The following SNX9 variants were observed in gnomAD, a reference collection of about 807,000 sequenced individuals.
SNX9 encodes sorting nexin-9.
A neutral mutation model predicts 89.4 loss-of-function variants in SNX9; 44 were observed. The ratio of observed to expected loss-of-function variants is 0.49; its 90% confidence interval spans 0.39 to 0.63. The LOEUF (loss-of-function observed/expected upper bound fraction) is 0.63. SNX9 is among the 30% of genes least tolerant of loss of function. SNX9 has a pLI of 0.00. For missense variants in SNX9, 578 were observed against 736.1 expected (o/e 0.79, Z 2.49); for synonymous variants, 236 against 247.8 (o/e 0.95, Z 0.45).
chr6:157,918,793 C>CT (rs1783524486), intron 9 of SNX9, among the ~76,000 whole-genome samples: 1 of 151,908 alleles, frequency 6.6e-6, no homozygotes, highest in African/African-American at 2.4e-5. Flanking sequence ...TAATATGCAT[C>CT]TTTTTTAACA....
intron 1 of SNX9, among the ~76,000 whole-genome samples, chr6:157,843,419 A>G (rs565117601): frequency 1.3e-5 from 2 of 152,242 alleles, no homozygotes; most frequent in East Asian, 1.9e-4. Flanking sequence ...GTATTCTTAC[A>G]GTAAATTAAG....
chr6:157,913,469 C>A (rs1157923221), intron 9 of SNX9, among the ~76,000 whole-genome samples: 1 of 152,002 alleles, frequency 6.6e-6, no homozygotes. Context: ...CTGGCTTATA[C>A]TCATAATTTC....
chr6:157,886,048 G>A (rs1041219588), intron 4 of SNX9, among the ~76,000 whole-genome samples: 2 of 152,136 alleles, frequency 1.3e-5, no homozygotes, highest in Admixed American at 6.5e-5. Context: ...GACAGACGTC[G>A]TGGTGCCATT....
intron 10 of SNX9, among the ~76,000 whole-genome samples, chr6:157,922,529 G>C (rs998155349): frequency 6.6e-6 from 1 of 152,192 alleles, no homozygotes; most frequent in African/African-American, 2.4e-5. Context: ...AAACTTCTTT[G>C]TAGTAATTTT....
chr6:157,922,640 A>G (rs1376386820), intron 10 of SNX9, among the ~76,000 whole-genome samples: 3 of 152,116 alleles, frequency 2.0e-5, no homozygotes, highest in African/African-American at 2.4e-5. Flanking sequence ...TTTGGGCCTT[A>G]TTTTCAGTTA....
In SNX9 at chr6:157,929,521, C is replaced by T. The variant is rs938260148; in HGVS notation, c.1288+819C>T. On this transcript the variant is annotated intron_variant, in intron 12 of 17. Coordinates refer to ENST00000392185, the MANE Select transcript of SNX9 (RefSeq NM_016224.5). Reference sequence around the variant, plus strand: ...TGCCCTTATTGCTGTGTCTTAACCTCTAGAGAACAGGGCCTTCTAATCTAT... The same window carrying T: ...TGCCCTTATTGCTGTGTCTTAACCTTTAGAGAACAGGGCCTTCTAATCTAT... Among the ~76,000 whole-genome samples the T allele has an allele frequency of 4.6e-5, 7 of 152,322 alleles. No individual in the cohort carries two copies. The South Asian group carries it at 6.2e-4, about 14-fold the overall frequency.
chr6:157,940,478 T>A (rs192721009), intron 16 of SNX9, among the ~76,000 whole-genome samples: 20 of 152,328 alleles, frequency 1.3e-4, no homozygotes, highest in Non-Finnish European at 2.8e-4. Context: ...AGTACAGTGG[T>A]GCAATCCCGG....
At chr6:157,867,460 T>C (rs1471961771) in intron 1 of SNX9, 87 bp from the exon 2 acceptor site, 1 of 1,043,992 alleles carries the variant, frequency 9.6e-7, no homozygotes, top group Non-Finnish European at 1.4e-6. Flanking sequence ...TGTACCAGCA[T>C]GCTTAGAAAG....
chr6:157,863,034 A>G (rs901284795), intron 1 of SNX9, among the ~76,000 whole-genome samples: 5 of 152,182 alleles, frequency 3.3e-5, no homozygotes, highest in African/African-American at 9.7e-5. Context: ...TCTGTGCTAC[A>G]TTGACTTCGT....
chr6:157,864,652 G>A (rs1232142420), intron 1 of SNX9, among the ~76,000 whole-genome samples: 4 of 152,118 alleles, frequency 2.6e-5, no homozygotes, highest in Non-Finnish European at 5.9e-5. Context: ...CTGAGGGCTC[G>A]CTTCCTTCCA....
intron 5 of SNX9, among the ~76,000 whole-genome samples, chr6:157,899,938 T>G (rs1283681000): frequency 6.6e-6 from 1 of 151,770 alleles, no homozygotes; most frequent in Non-Finnish European, 1.5e-5. Flanking sequence ...TGCCTGTGGG[T>G]GTGTGTGTGG....
intron 1 of SNX9, among the ~76,000 whole-genome samples, chr6:157,838,280 T>A (rs2115110967): frequency 6.6e-6 from 1 of 152,236 alleles, no homozygotes; most frequent in South Asian, 2.1e-4. Context: ...CCCAAAGTGC[T>A]AGGGTTACAG....
At chr6:157,937,302 G>T (rs1783945618) in intron 14 of SNX9, 132 bp from the exon 15 acceptor site, 1 of 516,602 alleles carries the variant, frequency 1.9e-6, no homozygotes, top group African/African-American at 2.0e-5. Context: ...TAGAAAAAGT[G>T]ATCTGAATGC....
At position 157,823,465 on chromosome 6, in the gene SNX9, A is replaced by G; in HGVS notation, c.12+19A>G. 2 of 1,189,054 alleles carry G rather than the reference A, an allele frequency of 1.7e-6. No homozygotes were observed. The highest frequency in any genetic ancestry group is 2.1e-6 in the Non-Finnish European group (2 of 963,984). The allele number at this position is 1,189,054 out of a possible 1,614,324, so 73.7% of individuals were successfully genotyped here. ...CACCAAGGTGAGGGGCGCGCGGCGC[A>G]GGCCGGGCCGGTCGCTCAGGCCCGG... On this transcript the variant is annotated intron_variant, in intron 1 of 17. Transcript: ENST00000392185. The surrounding 1 kb of genome is among the most constrained non-coding windows in gnomAD (Gnocchi z 4.6).
chr6:157,906,031 A>G, intron 6 of SNX9, 97 bp from the exon 7 acceptor site: 1 of 981,426 alleles, frequency 1.0e-6, no homozygotes, highest in South Asian at 1.5e-5. Context: ...CCCGAAAGAC[A>G]GGACAAGGTT....
intron 9 of SNX9, among the ~76,000 whole-genome samples, chr6:157,912,628 T>C (rs3805783): frequency 0.23 from 35,192 of 152,066 alleles, 4,236 homozygotes; most frequent in African/African-American, 0.28. Context: ...TATGTAAGAA[T>C]TCCCCTCTCG....
intron 1 of SNX9, among the ~76,000 whole-genome samples, chr6:157,860,379 T>C (rs1183868060): frequency 2.0e-5 from 3 of 152,192 alleles, no homozygotes; most frequent in Non-Finnish European, 2.9e-5. Context: ...GCCCTCCAGC[T>C]TGGGTGACAG....
intron 9 of SNX9, among the ~76,000 whole-genome samples, chr6:157,916,648 G>T (rs527585039): frequency 2.6e-5 from 4 of 152,124 alleles, no homozygotes; most frequent in African/African-American, 9.7e-5. Context: ...ATAGATGCTG[G>T]ATTTTGTCCC....
intron 7 of SNX9, among the ~76,000 whole-genome samples, chr6:157,907,755 C>T (rs936347319): frequency 2.0e-5 from 3 of 152,204 alleles, no homozygotes; most frequent in African/African-American, 4.8e-5. Context: ...GGAAAGCCAC[C>T]GCGTCTTCAG....
Sources: allele counts gnomAD v4.1 joint callset (sites outside exome capture counted in the v4.1 genomes callset), GRCh38; gene constraint gnomAD v4.1.1; non-coding constraint Gnocchi (gnomAD v3.1); transcripts MANE v1.5; gene names NCBI Gene and HGNC (gene_info 2026-07-23, HGNC 2026-07-21).